TASP1: variants seen among roughly 807,000 people sequenced by gnomAD.
The protein encoded by TASP1 is taspase 1.
A neutral mutation model predicts 56.6 loss-of-function variants in TASP1; 16 were observed. That is an observed-to-expected ratio of 0.28 (90% CI 0.19 to 0.43). The LOEUF is 0.43. Among genes scored for constraint, TASP1 ranks in the 20% least tolerant of loss-of-function variants. The pLI, the probability that TASP1 is intolerant of heterozygous loss-of-function variation, is 1.00. For missense variants in TASP1, 393 were observed against 511.6 expected (o/e 0.77, Z 2.24); for synonymous variants, 179 against 184.2 (o/e 0.97, Z 0.23).
At chr20:13,436,467 C>A (rs1338642269) in intron 11 of TASP1, among the ~76,000 whole-genome samples, 2 of 151,996 alleles carry the variant, frequency 1.3e-5, no homozygotes, top group Non-Finnish European at 1.5e-5. Context: ...ACTTTGCCAA[C>A]TCCTGATCTA....
chr20:13,601,158 A>G (rs868631891), intron 4 of TASP1, among the ~76,000 whole-genome samples: 4 of 152,242 alleles, frequency 2.6e-5, no homozygotes, highest in South Asian at 2.1e-4. Flanking sequence ...AGGCACCTGT[A>G]GTCCCAGCTA....
chr20:13,177,350 T>C, the TASP1 span, among the ~76,000 whole-genome samples: 2 of 152,106 alleles, frequency 1.3e-5, no homozygotes, highest in African/African-American at 2.4e-5. Flanking sequence ...CAAAGGAATC[T>C]ACAGAGTCAA....
chr20:13,462,819 A>G (rs2044104415), intron 11 of TASP1, among the ~76,000 whole-genome samples: 1 of 152,150 alleles, frequency 6.6e-6, no homozygotes, highest in Non-Finnish European at 1.5e-5. Context: ...AACTTAACCA[A>G]AAAGGCAAAA....
intron 4 of TASP1, among the ~76,000 whole-genome samples, chr20:13,598,611 A>G (rs184754328): frequency 3.3e-5 from 5 of 152,350 alleles, no homozygotes; most frequent in South Asian, 2.1e-4. Context: ...ACCATTCAGG[A>G]CACAGGCAGG....
chr20:13,506,733 C>G (rs577227876), intron 10 of TASP1, among the ~76,000 whole-genome samples: 1 of 152,164 alleles, frequency 6.6e-6, no homozygotes, highest in South Asian at 2.1e-4. Context: ...AAATTAGGTA[C>G]AGAATGCACC....
chr20:13,614,202 G>C (rs942877482), intron 4 of TASP1, among the ~76,000 whole-genome samples: 1 of 152,142 alleles, frequency 6.6e-6, no homozygotes, highest in Non-Finnish European at 1.5e-5. Flanking sequence ...TAAGTTGAGA[G>C]AACATTTGTT....
chr20:13,557,163 C>T (rs2046184603), intron 8 of TASP1, among the ~76,000 whole-genome samples: 1 of 152,084 alleles, frequency 6.6e-6, no homozygotes, highest in Non-Finnish European at 1.5e-5. Flanking sequence ...GAGAATTTCA[C>T]AGCAGCTTTA....
At chr20:13,477,298 T>C (rs1030210753) in intron 11 of TASP1, among the ~76,000 whole-genome samples, 2 of 152,110 alleles carry the variant, frequency 1.3e-5, no homozygotes, top group African/African-American at 4.8e-5. Context: ...CAAAAATCAC[T>C]TTTTAAAATC....
intron 10 of TASP1, among the ~76,000 whole-genome samples, chr20:13,515,278 C>T (rs1157747108): frequency 6.6e-6 from 1 of 151,972 alleles, no homozygotes; most frequent in Non-Finnish European, 1.5e-5. Context: ...CACAGGGATA[C>T]CCAAGAGTCA....
the TASP1 span, among the ~76,000 whole-genome samples, chr20:13,300,993 A>G: frequency 2.0e-5 from 3 of 152,208 alleles, no homozygotes; most frequent in African/African-American, 7.2e-5. Flanking sequence ...CATGAAAAGT[A>G]TTCCTTTTCC....
the TASP1 span, among the ~76,000 whole-genome samples, chr20:13,139,635 A>G: frequency 1.3e-5 from 2 of 152,326 alleles, no homozygotes; most frequent in East Asian, 1.9e-4. Context: ...ACTCAGTCAC[A>G]TGACTTTGCC....
intron 4 of TASP1, among the ~76,000 whole-genome samples, chr20:13,603,134 G>A (rs560523074): frequency 1.3e-5 from 2 of 152,250 alleles, no homozygotes; most frequent in South Asian, 2.1e-4. Flanking sequence ...TGGAGACTGA[G>A]GCTAGAGAAT....
intron 7 of TASP1, among the ~76,000 whole-genome samples, chr20:13,562,845 C>G (rs2046387206): frequency 6.7e-6 from 1 of 149,658 alleles, no homozygotes; most frequent in Admixed American, 6.6e-5. Flanking sequence ...CCACTGCACT[C>G]CAGCCTGGTC....
chr20:13,480,966 ACT>A (rs34913036), intron 11 of TASP1, among the ~76,000 whole-genome samples: 53,944 of 151,496 alleles, frequency 0.36, 10,322 homozygotes, highest in Non-Finnish European at 0.43. Flanking sequence ...ATCCAATTAC[ACT>A]CTTTTAGTTA....
the TASP1 span, among the ~76,000 whole-genome samples, chr20:13,277,961 A>AT: frequency 6.6e-6 from 1 of 152,126 alleles, no homozygotes. Flanking sequence ...GGAAGGGGTT[A>AT]TTTGTCTCAG....
Position 13,528,465 on chromosome 20 carries a change from T to C in TASP1, c.842A>G (p.His281Arg). ...CGCWAENTGA[H>R]NPYSTAVSTS... ...ACTCACAGCTGTGGAGTAGGGGTTA[T>C]GAGCTCCAGTATTTTCAGCCCAGCA... Residue 281 changes from histidine (H) to arginine (R), a missense_variant, in exon 10 of 14, where the codon CAT becomes CGT. This residue lies in a region of TASP1 where 293 missense variants were observed against 354.2 expected (regional missense o/e 0.83). Coordinates refer to ENST00000337743, the MANE Select transcript of TASP1 (RefSeq NM_017714.3). 1 of 1,611,442 alleles carries C rather than the reference T, an allele frequency of 6.2e-7. No individual in the cohort carries two copies. Among genetic ancestry groups the C allele is most frequent in the South Asian group, 1.1e-5 (1 of 90,684 alleles).
chr20:13,221,351 T>G, the TASP1 span, among the ~76,000 whole-genome samples: 12 of 142,820 alleles, frequency 8.4e-5, no homozygotes, highest in Non-Finnish European at 1.2e-4. Context: ...GGGGCGCCCA[T>G]GTGCGCTCGG....
At chr20:13,423,167 C>A (rs975908814) in intron 12 of TASP1, among the ~76,000 whole-genome samples, 1 of 152,104 alleles carries the variant, frequency 6.6e-6, no homozygotes, top group East Asian at 1.9e-4. Context: ...CAATGAAATA[C>A]TATGTAACAA....
intron 12 of TASP1, among the ~76,000 whole-genome samples, chr20:13,427,183 A>G (rs1456925629): frequency 6.6e-6 from 1 of 152,228 alleles, no homozygotes; most frequent in African/African-American, 2.4e-5. Flanking sequence ...CAAATTTTTA[A>G]TACCAGTAAA....
Sources: gnomAD v4.1 joint callset for allele counts (sites outside exome capture counted in the v4.1 genomes callset) on GRCh38, gnomAD v4.1.1 for gene constraint, gnomAD v4.1.1 regional missense constraint, MANE v1.5 for transcripts, NCBI Gene and HGNC (gene_info 2026-07-23, HGNC 2026-07-21) for gene names.